Variants in IL22RA1 observed in about 807,000 individuals in gnomAD.
The protein encoded by IL22RA1 is interleukin-22 receptor subunit alpha-1.
IL22RA1 carries 25 observed loss-of-function variants against 32.8 expected under a neutral mutation model. The ratio of observed to expected loss-of-function variants is 0.76; its 90% CI spans 0.55 to 1.06. The LOEUF is 1.06. Ranked by LOEUF, IL22RA1 falls within the 50% of genes least tolerant of loss-of-function variation. The pLI is 0.00. For missense variants in IL22RA1, 709 were observed against 727.4 expected, an observed-to-expected ratio of 0.97 and a Z score of 0.29; for synonymous variants, 305 against 305.0, an observed-to-expected ratio of 1.00 and a Z score of 0.00.
chr1:24,127,892 T>A (rs944015491), intron 5 of IL22RA1, among the ~76,000 whole-genome samples: 2 of 152,172 alleles, frequency 1.3e-5, no homozygotes, highest in Non-Finnish European at 2.9e-5. Flanking sequence ...TTTGCCAAGG[T>A]ACACATAAGG....
At chr1:24,137,516 C>CTTT (rs11428028) in intron 2 of IL22RA1, among the ~76,000 whole-genome samples, 2,026 of 140,032 alleles carry the variant, frequency 0.014, 60 homozygotes, top group African/African-American at 0.051. Flanking sequence ...TCCTTCCTTT[C>CTTT]TTTTTTTTTT....
intron 4 of IL22RA1, among the ~76,000 whole-genome samples, chr1:24,131,788 C>G (rs75345424): frequency 4.6e-5 from 7 of 152,230 alleles, no homozygotes; most frequent in Non-Finnish European, 8.8e-5. Flanking sequence ...TTATAGCGCA[C>G]TCCACCAACC....
In IL22RA1 at chr1:24,121,629, A is replaced by G. The variant is rs1316385423; in HGVS notation, c.901T>C (p.Tyr301His). 3 of 1,612,692 alleles carry G rather than the reference A, an allele frequency of 1.9e-6. No homozygotes were observed. The highest frequency in any genetic ancestry group is 1.3e-5 in the African/African-American group (1 of 74,842). Reference protein sequence around the residue: ...GPSSLAQPVQYSQIRVSGPRE... With the variant: ...GPSSLAQPVQHSQIRVSGPRE... ...GGTCCAGACACCCTGATCTGGGAGT[A>G]CTGGACAGGCTGGGCCAGACTGCTG... The change falls in exon 7 of 7, where the codon TAC (tyrosine) becomes CAC (histidine). Residue 301 changes from tyrosine (Y) to histidine (H), a missense_variant. Tyr to His is a moderately conservative substitution (Grantham distance 83). Coordinates refer to ENST00000270800, the MANE Select transcript of IL22RA1 (RefSeq NM_021258.4).
chr1:24,122,135 C>A (rs762006021), intron 6 of IL22RA1, among the ~76,000 whole-genome samples: 23 of 152,132 alleles, frequency 1.5e-4, no homozygotes, highest in Non-Finnish European at 1.5e-4. Context: ...AAGAAGGAGC[C>A]AGGAGAGACC....
At position 24,134,376 on chromosome 1, in the gene IL22RA1, C is replaced by T. The variant is rs546637044; in HGVS notation, c.366G>A (p.Lys122=). 6.6e-7 allele frequency: 1 copy of T among 1,512,708 alleles called. No homozygotes were observed. 93.7% of individuals were successfully genotyped at this position (1,512,708 alleles called of 1,614,324 possible). A position where few individuals can be genotyped will look rare whatever the true frequency, so the allele number is the denominator to read the frequency against. The change falls in exon 4 of 7, where the codon AAG becomes AAA. Residue 122 remains lysine (K), a synonymous_variant. Coordinates refer to ENST00000270800, the MANE Select transcript of IL22RA1 (RefSeq NM_021258.4). ...TGGAGATACAGGTCACATCAGGTGGCTTGAGGGTAGCTGGGGATAGGGAGA... is the reference window on the plus strand; with the variant it reads ...TGGAGATACAGGTCACATCAGGTGGTTTGAGGGTAGCTGGGGATAGGGAGA... ...RFSSLQHTTL[K]PPDVTCISKV...
At position 24,127,579 on chromosome 1, in the gene IL22RA1, T is replaced by G. The variant is rs564814530; in HGVS notation, c.670+562A>C. 2.4e-4 allele frequency among the ~76,000 whole-genome samples: 37 copies of G among 152,232 alleles called. No homozygotes were observed. The South Asian group carries it at 3.1e-3, about 13-fold the overall frequency. On this transcript the variant is annotated intron_variant, in intron 5 of 6. Transcript: ENST00000270800. ...CCTCCTGCCTTGGCCTCCCAAAGTGTTTGGTTTACAGGTGTGAGCCACTGT... is the reference window on the plus strand; with the variant it reads ...CCTCCTGCCTTGGCCTCCCAAAGTGGTTGGTTTACAGGTGTGAGCCACTGT...
intron 1 of IL22RA1, 111 bp from the exon 2 acceptor site, chr1:24,138,825 CTTTCAAG>C: frequency 7.6e-7 from 1 of 1,322,918 alleles, no homozygotes; most frequent in Non-Finnish European, 1.0e-6. Context: ...AGTGCCTTTG[CTTTCAAG>C]ATGCCAGCCT....
chr1:24,140,081 TGAC>T (rs1336283999), intron 1 of IL22RA1, among the ~76,000 whole-genome samples: 3 of 152,188 alleles, frequency 2.0e-5, no homozygotes, highest in Non-Finnish European at 4.4e-5. Context: ...CAAACAACAA[TGAC>T]AACAGCAGCC....
chr1:24,137,551 C>T (rs548686125), intron 2 of IL22RA1, among the ~76,000 whole-genome samples: 2 of 142,744 alleles, frequency 1.4e-5, no homozygotes, highest in African/African-American at 2.6e-5. Flanking sequence ...CAGCCTCGCT[C>T]TGTCACTCAG....
At chr1:24,140,432 G>C (rs1644272919) in intron 1 of IL22RA1, among the ~76,000 whole-genome samples, 1 of 152,128 alleles carries the variant, frequency 6.6e-6, no homozygotes, top group Non-Finnish European at 1.5e-5. Context: ...TTTTATATGA[G>C]GGTGGGGGGC....
intron 3 of IL22RA1, among the ~76,000 whole-genome samples, chr1:24,135,306 G>A (rs1644234461): frequency 6.6e-6 from 1 of 152,182 alleles, no homozygotes; most frequent in African/African-American, 2.4e-5. Context: ...ACGGCTGCTA[G>A]TATCTGCAGT....
chr1:24,130,211 G>A (rs1644195522), intron 4 of IL22RA1, among the ~76,000 whole-genome samples: 1 of 152,024 alleles, frequency 6.6e-6, no homozygotes, highest in Non-Finnish European at 1.5e-5. Flanking sequence ...GTAGCCTGAA[G>A]GCAGACCTCA....
In IL22RA1 at chr1:24,138,672, T is replaced by C. The variant is rs1255950116; in HGVS notation, c.86A>G (p.Lys29Arg). The change falls in exon 2 of 7, where the codon AAA becomes AGA. Residue 29 changes from lysine to arginine, a missense_variant. Lys to Arg is a conservative substitution (Grantham distance 26). Transcript: ENST00000270800. The part of the protein sequence containing the change: ...EDPSDLLQHV[K>R]FQSSNFENIL... The stretch of plus-strand genomic sequence containing the variant: ...GTTTTCAAAGTTGCTGGACTGGAAT[T>C]TCACGTGCTGGAGCAGATCCGAGGG... 6.2e-7 allele frequency: 1 copy of C among 1,614,194 alleles called. No homozygotes were observed. The highest frequency in any genetic ancestry group is 8.5e-7 in the Non-Finnish European group (1 of 1,180,042).
Position 24,134,323 on chromosome 1 carries a change from T to A in IL22RA1, c.419A>T (p.His140Leu), listed in dbSNP as rs750958828. 2 of 1,604,690 alleles carry A rather than the reference T, an allele frequency of 1.2e-6. No individual in the cohort carries two copies. The highest frequency in any genetic ancestry group is 2.3e-5 in the East Asian group (1 of 44,194). Residue 140 changes from histidine to leucine, a missense_variant, in exon 4 of 7, where the codon CAT (histidine) becomes CTT (leucine). Coordinates refer to ENST00000270800, the MANE Select transcript of IL22RA1 (RefSeq NM_021258.4). ...SKVRSIQMIVHPTPTPIRAGD... is the reference protein window; with the variant it reads ...SKVRSIQMIVLPTPTPIRAGD... The stretch of plus-strand genomic sequence containing the variant: ...TGCACGGATTGGCGTGGGGGTAGGA[T>A]GAACAATCATCTGAATCGATCTCAC...
intron 4 of IL22RA1, among the ~76,000 whole-genome samples, chr1:24,130,739 C>G (rs960108223): frequency 6.6e-6 from 1 of 152,244 alleles, no homozygotes; most frequent in Non-Finnish European, 1.5e-5. Context: ...CAGTCTTACT[C>G]TGTCACCCAG....
At chr1:24,125,053 G>A (rs375214309) in intron 5 of IL22RA1, among the ~76,000 whole-genome samples, 4 of 152,214 alleles carry the variant, frequency 2.6e-5, no homozygotes, top group Admixed American at 6.5e-5. Context: ...CTCTGCCACA[G>A]ATATGCTGAG....
chr1:24,121,143 A>C lies in IL22RA1; in HGVS notation c.1387T>G (p.Ser463Ala). ...CAAATCCCCAGGGGCTGGTGCAATG[A>C]TTTTGCTTCTTGGGATTCCTCCATA... ...LAMEESQEAK[S>A]LHQPLGICTD... is the part of the protein sequence containing the mutation. Residue 463 changes from serine (S) to alanine (A), a missense_variant, in exon 7 of 7, where the codon TCA (serine) becomes GCA (alanine). Coordinates refer to ENST00000270800, the MANE Select transcript of IL22RA1 (RefSeq NM_021258.4). 6.2e-7 allele frequency: 1 copy of C among 1,614,124 alleles called. No homozygotes were observed. The highest frequency in any genetic ancestry group is 8.5e-7 in the Non-Finnish European group (1 of 1,180,032).
chr1:24,122,552 T>G (rs1014886051), intron 6 of IL22RA1, among the ~76,000 whole-genome samples: 9 of 152,238 alleles, frequency 5.9e-5, no homozygotes, highest in African/African-American at 1.7e-4. Context: ...TCCCAGCACT[T>G]TGGGAGGCCG....
At chr1:24,138,347 T>C (rs1443288299) in intron 2 of IL22RA1, among the ~76,000 whole-genome samples, 2 of 152,234 alleles carry the variant, frequency 1.3e-5, no homozygotes, top group Non-Finnish European at 2.9e-5. Flanking sequence ...CCCAAGGTTA[T>C]ACAGGCGAGA....
Sources: gnomAD v4.1 joint callset for allele counts (sites outside exome capture counted in the v4.1 genomes callset) on GRCh38, gnomAD v4.1.1 for gene constraint, MANE v1.5 for transcripts, NCBI Gene and HGNC (gene_info 2026-07-23, HGNC 2026-07-21) for gene names.